CLUAP1: variants seen among roughly 807,000 people sequenced by gnomAD.
CLUAP1 encodes intraflagellar transport 38, also known as clusterin-associated protein 1.
Under a neutral mutation model 55.0 loss-of-function variants are expected in CLUAP1, and 50 were observed. The observed-to-expected ratio is 0.91, with a 90% CI of 0.72 to 1.15. CLUAP1 has a LOEUF of 1.15. CLUAP1 is among the 50% of genes most tolerant of loss of function. CLUAP1 has a pLI of 0.00. For missense variants in CLUAP1, 530 were observed against 507.6 expected (o/e 1.04, Z -0.42); for synonymous variants, 195 against 175.4 (o/e 1.11, Z -0.88).
chr16:3,500,449 A>G (rs746910051), upstream of CLUAP1, among the ~76,000 whole-genome samples: 1 of 148,746 alleles, frequency 6.7e-6, no homozygotes, highest in Non-Finnish European at 1.5e-5. Context: ...GGCTCACTGC[A>G]ACCTCTGCCT....
chr16:3,533,267 A>T, intron 11 of CLUAP1: 1 of 830,008 alleles, frequency 1.2e-6, no homozygotes. Flanking sequence ...CAAAAAGGCC[A>T]CTCAAAAGAG....
At chr16:3,497,946 C>T (rs533355248), upstream of CLUAP1, among the ~76,000 whole-genome samples, 25 of 152,236 alleles carry the variant, frequency 1.6e-4, 1 homozygote, top group South Asian at 2.9e-3. Flanking sequence ...TGTGAGCCGC[C>T]GTGCCCAGCC....
chr16:3,505,001 G>A (rs532659934), intron 2 of CLUAP1, among the ~76,000 whole-genome samples, 170 bp downstream of exon 2: 2 of 152,264 alleles, frequency 1.3e-5, no homozygotes, highest in South Asian at 4.1e-4. Context: ...GTGGCTCACT[G>A]CTCTCATCCC....
At chr16:3,523,405 G>GT (rs1226986650) in intron 8 of CLUAP1, 106 bp downstream of exon 8, 8 of 1,312,144 alleles carry the variant, frequency 6.1e-6, no homozygotes, top group African/African-American at 1.5e-5. Context: ...ATCAGTACAT[G>GT]TTTTTTCTCC....
chr16:3,500,781 C>A (rs900856158), upstream of CLUAP1: 4 of 506,800 alleles, frequency 7.9e-6, no homozygotes, highest in African/African-American at 2.0e-5. Flanking sequence ...CAGCGCGAAA[C>A]GTCCGCAAAG....
chr16:3,500,758 A>G (rs986036854), upstream of CLUAP1, among the ~76,000 whole-genome samples: 4 of 152,246 alleles, frequency 2.6e-5, no homozygotes, highest in Non-Finnish European at 4.4e-5. Flanking sequence ...GTAGGTACTC[A>G]GAACCTGTCA....
At chr16:3,495,641 G>A in the CLUAP1 span, 2 of 566,842 alleles carry the variant, frequency 3.5e-6, no homozygotes, top group African/African-American at 2.0e-5. Context: ...CAGAACCCTG[G>A]GGGAAGTCCC....
At chr16:3,498,424 A>G (rs1161787926), upstream of CLUAP1, among the ~76,000 whole-genome samples, 1 of 152,158 alleles carries the variant, frequency 6.6e-6, no homozygotes, top group East Asian at 1.9e-4. Flanking sequence ...AAGCATCACA[A>G]GCAGAAATGG....
At chr16:3,521,505 G>C (rs1266758674) in intron 7 of CLUAP1, among the ~76,000 whole-genome samples, 1 of 151,518 alleles carries the variant, frequency 6.6e-6, no homozygotes. Context: ...CGCGATCCCG[G>C]CTCACTGCAA....
At position 3,501,024 on chromosome 16, in the gene CLUAP1, G is replaced by A; in HGVS notation, c.-44G>A. On this transcript the variant is annotated 5_prime_UTR_variant, in exon 1 of 12. Transcript: ENST00000576634. ...CGAGCGCTGGGCCTGTGATCGCTGA[G>A]GGGCGAGCAGTTGCGACCCTGGGCT... 6.3e-7 allele frequency: 1 copy of A among 1,589,178 alleles called. No homozygotes were observed.
intron 4 of CLUAP1, among the ~76,000 whole-genome samples, chr16:3,509,437 C>G (rs925835987): frequency 3.3e-5 from 5 of 152,188 alleles, no homozygotes; most frequent in Admixed American, 2.0e-4. Flanking sequence ...AAGGGTTGCT[C>G]TGGCTGCTGA....
intron 2 of CLUAP1, among the ~76,000 whole-genome samples, chr16:3,505,346 C>T (rs1245635983): frequency 6.6e-6 from 1 of 151,960 alleles, no homozygotes; most frequent in East Asian, 1.9e-4. Context: ...CTGGCTAACA[C>T]GGTGAAACCC....
intron 10 of CLUAP1, among the ~76,000 whole-genome samples, chr16:3,531,455 G>T (rs1157388534): frequency 6.6e-6 from 1 of 152,048 alleles, no homozygotes; most frequent in Non-Finnish European, 1.5e-5. Context: ...CCAGGAGGCG[G>T]AGCTTGCAGT....
At chr16:3,510,318 C>T (rs1416098603) in intron 4 of CLUAP1, among the ~76,000 whole-genome samples, 8 of 142,550 alleles carry the variant, frequency 5.6e-5, no homozygotes, top group African/African-American at 2.1e-4. Flanking sequence ...TTTTTTTTAG[C>T]AGAGATGGGG....
chr16:3,512,410 C>G lies in CLUAP1; in HGVS notation c.427C>G (p.Leu143Val). 6.2e-7 allele frequency: 1 copy of G among 1,614,002 alleles called. No homozygotes were observed. Among genetic ancestry groups the G allele is most frequent in the Non-Finnish European group, 8.5e-7 (1 of 1,179,906 alleles). ...KIADLKAARQ[L>V]ASEITSKGAS... ...TGCAGATTTGAAGGCAGCCAGGCAG[C>G]TTGCGTCTGAAATCACCTCCAAAGG... Residue 143 changes from leucine (L) to valine (V), a missense_variant, in exon 5 of 12, where the codon CTT becomes GTT. Leu to Val is a conservative substitution (Grantham distance 32). Transcript: ENST00000576634.
intron 9 of CLUAP1, among the ~76,000 whole-genome samples, chr16:3,530,206 A>C (rs1422184696): frequency 1.3e-5 from 2 of 151,804 alleles, no homozygotes; most frequent in Non-Finnish European, 2.9e-5. Flanking sequence ...AACACCTCCC[A>C]GTATGCCCCA....
Position 3,536,337 on chromosome 16 carries a change from G to A in CLUAP1, c.*66G>A. 6.5e-7 allele frequency: 1 copy of A among 1,548,198 alleles called. No individual in the cohort carries two copies. The highest frequency in any genetic ancestry group is 2.3e-5 in the East Asian group (1 of 44,224). Reference sequence around the variant, plus strand: ...CTTGTAGGTAAATGGGAACTTAGAAGGTTAGGAAGGTAACCCCTGTTTTGT... The same window carrying A: ...CTTGTAGGTAAATGGGAACTTAGAAAGTTAGGAAGGTAACCCCTGTTTTGT... On this transcript the variant is annotated 3_prime_UTR_variant, in exon 12 of 12. Transcript: ENST00000576634.
intron 8 of CLUAP1, 141 bp downstream of exon 8, chr16:3,523,440 G>A (rs2037878814): frequency 9.9e-7 from 1 of 1,014,670 alleles, no homozygotes; most frequent in African/African-American, 1.6e-5. Context: ...GATTGCTCAT[G>A]TAATGTGTTT....
chr16:3,511,289 G>A (rs1182145271), intron 4 of CLUAP1, among the ~76,000 whole-genome samples: 3 of 152,182 alleles, frequency 2.0e-5, no homozygotes, highest in East Asian at 1.9e-4. Flanking sequence ...GCAGGGAGAC[G>A]TTTATGTTTG....
Sources: allele counts gnomAD v4.1 joint callset (sites outside exome capture counted in the v4.1 genomes callset), GRCh38; gene constraint gnomAD v4.1.1; transcripts MANE v1.5; gene names NCBI Gene and HGNC (gene_info 2026-07-23, HGNC 2026-07-21).